MYRIP: variants seen among roughly 807,000 people sequenced by gnomAD.
The protein encoded by MYRIP is rab effector MyRIP.
In MYRIP, 49 loss-of-function variants were observed where a neutral mutation model predicts 98.0. That is an observed-to-expected ratio of 0.50 (90% CI 0.40 to 0.63). MYRIP has a LOEUF of 0.63. Among genes scored for constraint, MYRIP ranks in the 30% least tolerant of loss-of-function variants. MYRIP has a pLI of 0.00. For missense variants in MYRIP, 1,004 were observed against 1,058.2 expected, an observed-to-expected ratio of 0.95 and a Z score of 0.71; for synonymous variants, 404 against 409.5, an observed-to-expected ratio of 0.99 and a Z score of 0.16.
intron 3 of MYRIP, among the ~76,000 whole-genome samples, chr3:40,094,808 T>C (rs536982553): frequency 1.3e-5 from 2 of 152,358 alleles, no homozygotes; most frequent in African/African-American, 2.4e-5. Context: ...GTTCAAACTA[T>C]ACCTTCAGGG....
At chr3:39,998,028 G>A (rs927285616) in intron 2 of MYRIP, among the ~76,000 whole-genome samples, 8 of 152,026 alleles carry the variant, frequency 5.3e-5, no homozygotes, top group Non-Finnish European at 8.8e-5. Flanking sequence ...TTGATGGGAC[G>A]TATCTCAAAA....
chr3:39,877,326 C>T (rs1559506003), intron 1 of MYRIP, among the ~76,000 whole-genome samples: 1 of 152,090 alleles, frequency 6.6e-6, no homozygotes, highest in African/African-American at 2.4e-5. Flanking sequence ...TCGTCTGAAG[C>T]CTTCTTCTCT....
At chr3:39,856,350 C>T (rs1211101303) in intron 1 of MYRIP, among the ~76,000 whole-genome samples, 1 of 152,200 alleles carries the variant, frequency 6.6e-6, no homozygotes, top group Non-Finnish European at 1.5e-5. Flanking sequence ...GCCTTCTATC[C>T]ACCTTCTTCC....
chr3:39,991,341 C>T lies in MYRIP; in HGVS notation c.111-52709C>T, dbSNP rs560580924. Among the ~76,000 whole-genome samples, 50 of 152,274 alleles carry T rather than the reference C, an allele frequency of 3.3e-4. 1 individual carries two copies. In the South Asian group the frequency reaches 9.3e-3, roughly 28 times the overall value. On this transcript the variant is annotated intron_variant, in intron 2 of 16. Coordinates refer to ENST00000302541, the MANE Select transcript of MYRIP (RefSeq NM_015460.4). ...TAGAGAGATCTCTACTCCAACTTCT[C>T]ATTTCCAGAGAAAAATTCAGAATTC...
chr3:39,896,466 C>T (rs1943613625), intron 1 of MYRIP, among the ~76,000 whole-genome samples: 1 of 152,228 alleles, frequency 6.6e-6, no homozygotes. Context: ...AGTGAAAGCA[C>T]ATCTCTCATT....
chr3:39,958,204 A>AGAACC (rs1945219517), intron 2 of MYRIP, among the ~76,000 whole-genome samples: 1 of 152,244 alleles, frequency 6.6e-6, no homozygotes, highest in Non-Finnish European at 1.5e-5. Context: ...GAACCAAAAA[A>AGAACC]GAACCCGCAT....
intron 2 of MYRIP, among the ~76,000 whole-genome samples, chr3:40,027,380 C>T (rs933001936): frequency 6.6e-6 from 1 of 152,184 alleles, no homozygotes; most frequent in South Asian, 2.1e-4. Flanking sequence ...CTGATAGTTC[C>T]CTGCTCACAT....
chr3:39,939,896 C>T (rs1944743494), intron 2 of MYRIP, among the ~76,000 whole-genome samples: 1 of 151,958 alleles, frequency 6.6e-6, no homozygotes, highest in South Asian at 2.1e-4. Flanking sequence ...AGTATAATTT[C>T]TGGGTGTGTG....
At chr3:40,027,491 A>G (rs1432917797) in intron 2 of MYRIP, among the ~76,000 whole-genome samples, 2 of 151,960 alleles carry the variant, frequency 1.3e-5, no homozygotes, top group African/African-American at 4.8e-5. Flanking sequence ...TGTGTCTTCC[A>G]TTGGACTAGC....
At chr3:40,059,830 A>G (rs1273522466) in intron 3 of MYRIP, among the ~76,000 whole-genome samples, 24 of 152,196 alleles carry the variant, frequency 1.6e-4, no homozygotes, top group Non-Finnish European at 1.2e-4. Flanking sequence ...CATTCCATCC[A>G]AAATTAGTTT....
chr3:39,974,278 T>C (rs6766593), intron 2 of MYRIP, among the ~76,000 whole-genome samples: 73,801 of 151,862 alleles, frequency 0.49, 19,111 homozygotes, highest in African/African-American at 0.69. Context: ...AACACCTCTA[T>C]GCAAATAAAC....
At chr3:39,895,940 C>A (rs541750312) in intron 1 of MYRIP, among the ~76,000 whole-genome samples, 1 of 148,512 alleles carries the variant, frequency 6.7e-6, no homozygotes. Context: ...TGTGTGTGCG[C>A]GTGCACGTAC....
chr3:39,971,202 T>G (rs1479576330), intron 2 of MYRIP, among the ~76,000 whole-genome samples: 1 of 152,022 alleles, frequency 6.6e-6, no homozygotes, highest in African/African-American at 2.4e-5. Context: ...TCCATAAGGG[T>G]CTAAAGTTGT....
chr3:40,189,946 C>T lies in MYRIP; in HGVS notation c.1148C>T (p.Ala383Val), dbSNP rs1157304881. ...KSGTFQALEV[A>V]SSVASAYDEM... ...GGGACGTTTCAGGCCCTGGAGGTGG[C>T]CTCCAGTGTGGCATCTGCCTACGAT... The change falls in exon 10 of 17, where the codon GCC (alanine) becomes GTC (valine). Residue 383 changes from alanine to valine, a missense_variant. Transcript: ENST00000302541. 1 of 1,614,034 alleles carries T rather than the reference C, an allele frequency of 6.2e-7. No homozygotes were observed. Among genetic ancestry groups the T allele is most frequent in the East Asian group, 2.2e-5 (1 of 44,870 alleles).
intron 5 of MYRIP, chr3:40,163,026 A>T (rs998567962): frequency 6.5e-6 from 3 of 463,106 alleles, no homozygotes; most frequent in Non-Finnish European, 7.7e-6. Context: ...AGAGAACAGC[A>T]TTCGTTACCC....
At chr3:39,826,185 T>A (rs765945350) in intron 1 of MYRIP, among the ~76,000 whole-genome samples, 97 of 152,152 alleles carry the variant, frequency 6.4e-4, no homozygotes, top group Non-Finnish European at 9.9e-4. Context: ...TGCTCTTTAT[T>A]ATTTTTTCTT....
intron 3 of MYRIP, among the ~76,000 whole-genome samples, chr3:40,060,674 C>T (rs1483048242): frequency 6.6e-6 from 1 of 150,704 alleles, no homozygotes; most frequent in Admixed American, 6.6e-5. Flanking sequence ...TCACTGCAAC[C>T]TCCACCTCCT....
chr3:40,156,135 T>G (rs1271634202), intron 4 of MYRIP, among the ~76,000 whole-genome samples: 5 of 151,508 alleles, frequency 3.3e-5, no homozygotes, highest in African/African-American at 7.3e-5. Context: ...GGTCTAACAT[T>G]TAAGTCTTTA....
rs531639822 is a variant in MYRIP at position 39,895,225 on chromosome 3, C to T, written c.-30-5562C>T. Among the ~76,000 whole-genome samples the T allele has an allele frequency of 9.9e-5, 15 of 151,088 alleles. No homozygotes were observed. In the South Asian group the frequency reaches 3.1e-3, roughly 32 times the overall value. ...TTTTTGAGGCGGAGTCTCACTCCGT[C>T]GCCCAGGCTGAAGTGCAGTGGCGCG... On this transcript the variant is annotated intron_variant, in intron 1 of 16. Transcript: ENST00000302541.
Sources: gnomAD v4.1 joint callset for allele counts (sites outside exome capture counted in the v4.1 genomes callset) on GRCh38, gnomAD v4.1.1 for gene constraint, MANE v1.5 for transcripts, NCBI Gene and HGNC (gene_info 2026-07-23, HGNC 2026-07-21) for gene names.